Variants in KCNG1 observed in about 807,000 individuals in gnomAD.
KCNG1 encodes voltage-gated potassium channel regulatory subunit KCNG1.
In KCNG1, 17 loss-of-function variants were observed where a neutral mutation model predicts 32.4. That is an observed-to-expected ratio of 0.52 (90% confidence interval 0.36 to 0.79). KCNG1 has a LOEUF of 0.79. Ranked by LOEUF, KCNG1 falls within the 30% of genes least tolerant of loss-of-function variation. The pLI, the probability that KCNG1 is intolerant of heterozygous loss-of-function variation, is 0.00. For synonymous variants in KCNG1, 358 were observed against 339.9 expected, an observed-to-expected ratio of 1.05 and a Z score of -0.59; for missense variants, 441 against 735.2, an observed-to-expected ratio of 0.60 and a Z score of 4.63.
At chr20:51,008,425 G>A (rs1298738893) in intron 2 of KCNG1, among the ~76,000 whole-genome samples, 2 of 152,140 alleles carry the variant, frequency 1.3e-5, no homozygotes. Flanking sequence ...TACCTCCCAG[G>A]CTCAAGCAAT....
intron 2 of KCNG1, chr20:51,006,831 C>T (rs1450087851): frequency 6.6e-6 from 1 of 152,340 alleles, no homozygotes; most frequent in African/African-American, 2.4e-5. Flanking sequence ...CGCACCCAGC[C>T]CCAATCACTT....
At chr20:51,016,907 A>G (rs1405184565) in intron 1 of KCNG1, among the ~76,000 whole-genome samples, 2 of 152,054 alleles carry the variant, frequency 1.3e-5, no homozygotes, top group East Asian at 3.9e-4. Context: ...CTGGCCTAGC[A>G]CTCTGGGAAA....
In KCNG1 at chr20:51,009,962, G is replaced by C; in HGVS notation, c.377C>G (p.Thr126Ser). Residue 126 changes from threonine to serine, a missense_variant, in exon 2 of 3, where the codon ACT (threonine) becomes AGT (serine). Thr to Ser is a moderately conservative substitution (Grantham distance 58). Transcript: ENST00000371571. ...FFDRNPGAFGTILTFLRAGKL... is the reference protein window; with the variant it reads ...FFDRNPGAFGSILTFLRAGKL... ...GCCCGCGCGCAGGAAGGTCAGGATAGTGCCGAAGGCCCCCGGGTTGCGGTC... is the reference window on the plus strand; with the variant it reads ...GCCCGCGCGCAGGAAGGTCAGGATACTGCCGAAGGCCCCCGGGTTGCGGTC... 3 of 1,613,940 alleles carry C rather than the reference G, an allele frequency of 1.9e-6. No homozygotes were observed. The South Asian group carries it at 3.3e-5, about 18-fold the overall frequency.
At position 51,003,702 on chromosome 20, in the gene KCNG1, C is replaced by T. The variant is rs1321968657; in HGVS notation, c.*337G>A. ...TTTTTTTTTTTTTCTCCAGGCAGAC[C>T]CATAAAGCAAGTTTTTGCTGGGCAT... On this transcript the variant is annotated 3_prime_UTR_variant, in exon 3 of 3. Coordinates refer to ENST00000371571, the MANE Select transcript of KCNG1 (RefSeq NM_002237.4). 14 of 201,054 alleles carry T rather than the reference C, an allele frequency of 7.0e-5. No individual in the cohort carries two copies. The Admixed American group carries it at 8.1e-4, about 12-fold the overall frequency. The allele number at this position is 201,054 out of a possible 1,614,324, so 12.5% of individuals were successfully genotyped here.
Position 51,003,960 on chromosome 20 carries a change from G to A in KCNG1, c.*79C>T. 6.6e-7 allele frequency: 1 copy of A among 1,513,924 alleles called. No homozygotes were observed. Among genetic ancestry groups the A allele is most frequent in the Non-Finnish European group, 9.0e-7 (1 of 1,115,970 alleles). The allele number at this position is 1,513,924 out of a possible 1,614,324, so 93.8% of individuals were successfully genotyped here. On this transcript the variant is annotated 3_prime_UTR_variant, in exon 3 of 3. Transcript: ENST00000371571. ...CCAGGACTGCACTCGGAAGCGGCCT[G>A]TCCCTCTCCAGGCGTCTGCAGTGGA...
intron 1 of KCNG1, among the ~76,000 whole-genome samples, chr20:51,014,735 A>G (rs900447438): frequency 6.6e-6 from 1 of 152,184 alleles, no homozygotes; most frequent in African/African-American, 2.4e-5. Flanking sequence ...GGCTGCAGCG[A>G]CTGCAGTGTT....
At position 51,004,224 on chromosome 20, in the gene KCNG1, C is replaced by A. The variant is rs759794959; in HGVS notation, c.1357G>T (p.Ala453Ser). The change falls in exon 3 of 3, where the codon GCC (alanine) becomes TCC (serine). Residue 453 changes from alanine to serine, a missense_variant. Physicochemically the swap from Ala to Ser is moderately conservative, Grantham distance 99. Transcript: ENST00000371571. The surrounding 1 kb of genome is among the most constrained non-coding windows in gnomAD (Gnocchi z 4.3). ...SSILSGILLMAFPVTSIFHTF... is the reference protein window; with the variant it reads ...SSILSGILLMSFPVTSIFHTF... ...TGGAAGATGGAGGTGACTGGGAAGG[C>A]CATGAGCAGGATGCCGCTCAGGATG... The A allele has an allele frequency of 3.1e-6, 5 of 1,614,074 alleles. No individual in the cohort carries two copies. In the South Asian group the frequency reaches 5.5e-5, roughly 18 times the overall value.
At chr20:51,017,638 T>C (rs1988327818) in intron 1 of KCNG1, among the ~76,000 whole-genome samples, 1 of 152,174 alleles carries the variant, frequency 6.6e-6, no homozygotes, top group Admixed American at 6.5e-5. Flanking sequence ...GATACAGATT[T>C]CTGGGACCCT....
At chr20:51,008,336 A>T (rs1389489946) in intron 2 of KCNG1, among the ~76,000 whole-genome samples, 5 of 151,960 alleles carry the variant, frequency 3.3e-5, no homozygotes, top group African/African-American at 1.2e-4. Flanking sequence ...TTTTAAAAAA[A>T]TTTTGTGTTT....
chr20:51,020,433 G>C (rs1226030084), intron 1 of KCNG1, among the ~76,000 whole-genome samples: 1 of 152,086 alleles, frequency 6.6e-6, no homozygotes, highest in African/African-American at 2.4e-5. Flanking sequence ...TCAGGGCAAC[G>C]GACAGTCTTA....
At chr20:51,009,524 C>T in intron 2 of KCNG1, 41 bp downstream of exon 2, 2 of 1,530,068 alleles carry the variant, frequency 1.3e-6, no homozygotes, top group South Asian at 2.5e-5. Flanking sequence ...GAGTCCCTTC[C>T]CTCGTGGTGG....
intron 2 of KCNG1, among the ~76,000 whole-genome samples, chr20:51,007,446 A>G (rs1601093271): frequency 6.6e-6 from 1 of 152,148 alleles, no homozygotes; most frequent in African/African-American, 2.4e-5. Flanking sequence ...TCAGCCTCCC[A>G]AAGTGCTGGG....
At chr20:51,019,530 A>ATAC (rs1464646861) in intron 1 of KCNG1, among the ~76,000 whole-genome samples, 1 of 152,024 alleles carries the variant, frequency 6.6e-6, no homozygotes, top group Non-Finnish European at 1.5e-5. Context: ...AATAATAATA[A>ATAC]TAATAAATTT....
Position 51,019,352 on chromosome 20 carries a change from TA to T in KCNG1, c.-27+3517del, listed in dbSNP as rs1988388221. Among the ~76,000 whole-genome samples the T allele has an allele frequency of 2.0e-5, 3 of 151,872 alleles. No individual in the cohort carries two copies. The South Asian group carries it at 6.3e-4, about 32-fold the overall frequency. On this transcript the variant is annotated intron_variant, in intron 1 of 2. Transcript: ENST00000371571. ...CATAGTGAGACCCTGTTTCTACAATTAAAAAATAATCAGCTGAGCATGGTGG... is the reference window on the plus strand; with the variant it reads ...CATAGTGAGACCCTGTTTCTACAATTAAAAATAATCAGCTGAGCATGGTGG...
At chr20:51,009,493 TGGA>T (rs1987969598) in intron 2 of KCNG1, 69 bp downstream of exon 2, 3 of 1,464,616 alleles carry the variant, frequency 2.0e-6, no homozygotes, top group Non-Finnish European at 2.7e-6. Flanking sequence ...GGAGGCTTTC[TGGA>T]GGAGGTGACA....
rs990390339 is a variant in KCNG1, at chr20:51,017,384, CAT to C, written c.-27+5484_-27+5485del. Among the ~76,000 whole-genome samples the C allele has an allele frequency of 2.0e-5, 3 of 152,178 alleles. 1 individual carries two copies. The highest frequency in any genetic ancestry group is 4.4e-5 in the Non-Finnish European group (3 of 68,044). The stretch of plus-strand genomic sequence containing the variant: ...TACATATTTTACAAGGTCTCAAGCA[CAT>C]GTGAGGATCTATATTAACCACATGG... On this transcript the variant is annotated intron_variant, in intron 1 of 2. Coordinates refer to ENST00000371571, the MANE Select transcript of KCNG1 (RefSeq NM_002237.4).
In KCNG1 at chr20:51,010,345, C is replaced by T; in HGVS notation, c.-7G>A. ...CTCCCGGTAAGAGGGTCATTTTGGG[C>T]CTTCACATCCCTCTCGGGCCTGTGG... On this transcript the variant is annotated 5_prime_UTR_variant, in exon 2 of 3. Transcript: ENST00000371571. The T allele has an allele frequency of 6.7e-7, 1 of 1,502,292 alleles. No individual in the cohort carries two copies. The highest frequency in any genetic ancestry group is 8.8e-7 in the Non-Finnish European group (1 of 1,134,390). 93.1% of individuals were successfully genotyped at this position (1,502,292 alleles called of 1,614,324 possible). A position where few individuals can be genotyped will look rare whatever the true frequency, so the allele number is the denominator to read the frequency against.
Position 51,004,166 on chromosome 20 carries a change from T to G in KCNG1, c.1415A>C (p.Gln472Pro). The G allele has an allele frequency of 3.1e-6, 5 of 1,614,156 alleles. No individual in the cohort carries two copies. Among genetic ancestry groups the G allele is most frequent in the Non-Finnish European group, 4.2e-6 (5 of 1,180,018 alleles). ...TFSRSYLELK[Q>P]EQERVMFRRA... is the part of the protein sequence containing the mutation. Reference sequence around the variant, plus strand: ...CCGGAACATCACCCTCTCTTGCTCCTGCTTGAGCTCCAGGTAGGAGCGGGA... The same window carrying G: ...CCGGAACATCACCCTCTCTTGCTCCGGCTTGAGCTCCAGGTAGGAGCGGGA... Residue 472 changes from glutamine to proline, a missense_variant, in exon 3 of 3, where the codon CAG becomes CCG. Gln to Pro is a moderately conservative substitution (Grantham distance 76). Transcript: ENST00000371571. This position sits in a 1 kb window ranked among gnomAD's most constrained non-coding sequence, Gnocchi z 4.3.
rs868300043 is a variant in KCNG1 at position 51,003,971 on chromosome 20, G to A, written c.*68C>T. On this transcript the variant is annotated 3_prime_UTR_variant, in exon 3 of 3. Transcript: ENST00000371571. ...CTCGGAAGCGGCCTGTCCCTCTCCA[G>A]GCGTCTGCAGTGGATGGCAATGGCT... 18 of 1,547,880 alleles carry A rather than the reference G, an allele frequency of 1.2e-5. No individual in the cohort carries two copies. In the African/African-American group the frequency reaches 1.8e-4, roughly 15 times the overall value.
Sources: allele counts gnomAD v4.1 joint callset (sites outside exome capture counted in the v4.1 genomes callset), GRCh38; gene constraint gnomAD v4.1.1; non-coding constraint Gnocchi (gnomAD v3.1); transcripts MANE v1.5; gene names NCBI Gene and HGNC (gene_info 2026-07-23, HGNC 2026-07-21).